CFAP251: variants seen among roughly 807,000 people sequenced by gnomAD.
CFAP251 encodes the protein cilia- and flagella-associated protein 251.
Under a neutral mutation model 126.7 loss-of-function variants are expected in CFAP251, and 93 were observed. That is an observed-to-expected ratio of 0.73 (90% CI 0.62 to 0.87). CFAP251 has a LOEUF of 0.87. Ranked by LOEUF, CFAP251 falls within the 40% of genes least tolerant of loss-of-function variation. The probability of loss-of-function intolerance (pLI) is 0.00; values close to 1 mark genes in which losing one functional copy is unlikely to be tolerated. For missense variants in CFAP251, 1,287 were observed against 1,389.2 expected (o/e 0.93, Z 1.17); for synonymous variants, 503 against 506.9 (o/e 0.99, Z 0.10).
intron 7 of CFAP251, among the ~76,000 whole-genome samples, chr12:121,944,435 T>G (rs543326770): frequency 1.3e-5 from 2 of 152,366 alleles, no homozygotes; most frequent in African/African-American, 4.8e-5. Flanking sequence ...CATTGGGGTT[T>G]TGATAGCGAT....
chr12:121,938,406 C>G (rs147904390), intron 5 of CFAP251, among the ~76,000 whole-genome samples: 1 of 152,042 alleles, frequency 6.6e-6, no homozygotes, highest in East Asian at 1.9e-4. Context: ...ACTGCAACTT[C>G]TATCTCCTGG....
At chr12:121,986,995 C>T (rs1382828089) in intron 19 of CFAP251, among the ~76,000 whole-genome samples, 1 of 152,114 alleles carries the variant, frequency 6.6e-6, no homozygotes, top group Non-Finnish European at 1.5e-5. Context: ...CCCCCAAAGC[C>T]CTGTGTGCTA....
chr12:121,968,422 G>T (rs773852910), intron 17 of CFAP251, among the ~76,000 whole-genome samples: 1 of 152,150 alleles, frequency 6.6e-6, no homozygotes, highest in East Asian at 1.9e-4. Context: ...TCCCTAAAAT[G>T]CTTCTCCCTC....
At chr12:121,962,701 A>AG (rs1881982212) in intron 15 of CFAP251, among the ~76,000 whole-genome samples, 1 of 47,458 alleles carries the variant, frequency 2.1e-5, no homozygotes, top group Non-Finnish European at 5.4e-5. Flanking sequence ...GCAAAGAAGA[A>AG]AAAAAAAAAA....
rs1284151746 is a variant in CFAP251 at position 121,951,481 on chromosome 12, A to G, written c.1271A>G (p.Tyr424Cys). 1.9e-6 allele frequency: 3 copies of G among 1,568,996 alleles called. No homozygotes were observed. Among genetic ancestry groups the G allele is most frequent in the Non-Finnish European group, 2.6e-6 (3 of 1,145,360 alleles). Residue 424 changes from tyrosine to cysteine, a missense_variant and splice_region_variant, in exon 9 of 22, where the codon TAT becomes TGT. Coordinates refer to ENST00000288912, the MANE Select transcript of CFAP251 (RefSeq NM_144668.6). ...SKTRAIYYAWYEERDTLAHSA... is the reference protein window; with the variant it reads ...SKTRAIYYAWCEERDTLAHSA... ...GTGATTATTTTTTCCTCTTATCAGTATGAAGAGAGGGATACACTGGCTCAC... is the reference window on the plus strand; with the variant it reads ...GTGATTATTTTTTCCTCTTATCAGTGTGAAGAGAGGGATACACTGGCTCAC...
chr12:121,940,630 T>TC (rs1555216935), intron 5 of CFAP251, among the ~76,000 whole-genome samples: 3 of 152,136 alleles, frequency 2.0e-5, no homozygotes, highest in Non-Finnish European at 4.4e-5. Context: ...TCAGCAGACC[T>TC]CCCCCAACCC....
intron 19 of CFAP251, among the ~76,000 whole-genome samples, chr12:121,994,478 C>T (rs1275096974): frequency 9.6e-6 from 1 of 104,422 alleles, no homozygotes; most frequent in Non-Finnish European, 2.0e-5. Context: ...TCATTGAGAA[C>T]GGGCCAGGAT....
intron 19 of CFAP251, chr12:121,996,952 C>T (rs1390907446): frequency 6.6e-6 from 1 of 152,172 alleles, no homozygotes; most frequent in Non-Finnish European, 1.5e-5. Context: ...CATCCAGATG[C>T]ATGAATCAAA....
intron 7 of CFAP251, among the ~76,000 whole-genome samples, chr12:121,945,678 A>G (rs1177601621): frequency 7.2e-6 from 1 of 139,220 alleles, no homozygotes; most frequent in East Asian, 2.2e-4. Flanking sequence ...TTATTTATTT[A>G]TTTTTGAGAC....
At chr12:121,960,286 C>G (rs1220551323) in intron 13 of CFAP251, among the ~76,000 whole-genome samples, 1 of 151,514 alleles carries the variant, frequency 6.6e-6, no homozygotes, top group Non-Finnish European at 1.5e-5. Flanking sequence ...TGCAACAGAT[C>G]TTGGCTCGCT....
chr12:122,000,387 A>G (rs1261749491), intron 20 of CFAP251, among the ~76,000 whole-genome samples: 1 of 151,856 alleles, frequency 6.6e-6, no homozygotes, highest in African/African-American at 2.4e-5. Flanking sequence ...CCCCATCTCT[A>G]CTAAAAATAC....
At chr12:121,932,605 C>T (rs1442629390) in intron 4 of CFAP251, 3 of 152,368 alleles carry the variant, frequency 2.0e-5, no homozygotes, top group African/African-American at 2.4e-5. Context: ...ACTTTCCACT[C>T]GTTGGCCTGG....
intron 3 of CFAP251, among the ~76,000 whole-genome samples, chr12:121,929,681 CT>C (rs547554376): frequency 2.1e-3 from 303 of 143,664 alleles, no homozygotes; most frequent in Non-Finnish European, 2.2e-3. Flanking sequence ...AACCACTGAT[CT>C]TTTTTTTTTT....
At position 122,003,712 on chromosome 12, in the gene CFAP251, C is replaced by G; in HGVS notation, c.3398C>G (p.Thr1133Ser). The change falls in exon 22 of 22, where the codon ACT becomes AGT. Residue 1133 changes from threonine to serine, a missense_variant. Thr to Ser is a moderately conservative substitution (Grantham distance 58). Transcript: ENST00000288912. ...GAAATCACTGCAGAAATATTCGCGA[C>G]TGAAATTCTTGGCTTAACCATTTCA... The part of the protein sequence containing the change: ...PDEITAEIFA[T>S]EILGLTISED... The G allele has an allele frequency of 1.2e-6, 2 of 1,610,022 alleles. No individual in the cohort carries two copies. Among genetic ancestry groups the G allele is most frequent in the Non-Finnish European group, 1.7e-6 (2 of 1,178,824 alleles).
intron 16 of CFAP251, 47 bp downstream of exon 16, chr12:121,967,116 A>G: frequency 6.5e-7 from 1 of 1,540,802 alleles, no homozygotes; most frequent in Non-Finnish European, 9.0e-7. Context: ...TCTGTGTGTC[A>G]TGAGCAGCAG....
At chr12:121,927,866 CAAAT>C (rs1233639479) in intron 3 of CFAP251, among the ~76,000 whole-genome samples, 1 of 152,174 alleles carries the variant, frequency 6.6e-6, no homozygotes, top group Non-Finnish European at 1.5e-5. Context: ...TTATGAATAT[CAAAT>C]ACAATGAAAT....
chr12:121,927,664 T>G (rs1166779835), intron 3 of CFAP251, among the ~76,000 whole-genome samples: 1 of 152,216 alleles, frequency 6.6e-6, no homozygotes, highest in African/African-American at 2.4e-5. Context: ...AATTTCTTGC[T>G]GTCACACAAG....
intron 17 of CFAP251, chr12:121,969,481 C>A: frequency 1.0e-6 from 1 of 985,300 alleles, no homozygotes; most frequent in Non-Finnish European, 1.2e-6. Context: ...GCAGAACCTT[C>A]CCTTCTATTT....
rs886819415 is a variant in CFAP251 at position 121,923,730 on chromosome 12, C to A, written c.487C>A (p.Gln163Lys). The A allele has an allele frequency of 1.9e-6, 3 of 1,604,740 alleles. No homozygotes were observed. The highest frequency in any genetic ancestry group is 1.7e-6 in the Non-Finnish European group (2 of 1,175,050). ...ACAAATTGAATTTCTTGATTTGGAT[C>A]AAATCAGTCCTGAGGAACAACAGAT... ...STQIEFLDLD[Q>K]ISPEEQQISS... Residue 163 changes from glutamine (Q) to lysine (K), a missense_variant, in exon 3 of 22, where the codon CAA becomes AAA. By Grantham distance (53) the Gln-to-Lys change is moderately conservative. Coordinates refer to ENST00000288912, the MANE Select transcript of CFAP251 (RefSeq NM_144668.6).
Sources: allele counts gnomAD v4.1 joint callset (sites outside exome capture counted in the v4.1 genomes callset), GRCh38; gene constraint gnomAD v4.1.1; transcripts MANE v1.5; gene names NCBI Gene and HGNC (gene_info 2026-07-23, HGNC 2026-07-21).